Variants in AGAP1 observed in about 807,000 individuals in gnomAD.
The protein encoded by AGAP1 is arf-GAP with GTPase, ANK repeat and PH domain-containing protein 1.
In AGAP1, 29 loss-of-function variants were observed where a neutral mutation model predicts 105.3. The observed-to-expected ratio is 0.28, with a 90% confidence interval of 0.21 to 0.38. AGAP1 has a LOEUF of 0.38. Among genes scored for constraint, AGAP1 ranks in the 10% least tolerant of loss-of-function variants. The pLI is 1.00. For synonymous variants in AGAP1, 509 were observed against 485.9 expected, an observed-to-expected ratio of 1.05 and a Z score of -0.63; for missense variants, 998 against 1,165.1, an observed-to-expected ratio of 0.86 and a Z score of 2.09.
At chr2:236,030,378 G>A (rs149833879) in intron 13 of AGAP1, among the ~76,000 whole-genome samples, 7 of 152,286 alleles carry the variant, frequency 4.6e-5, no homozygotes, top group African/African-American at 7.2e-5. Context: ...GTGATCTCTG[G>A]TTTTGAGTTC....
intron 16 of AGAP1, among the ~76,000 whole-genome samples, chr2:236,106,807 A>T (rs1040097397): frequency 6.6e-6 from 1 of 152,208 alleles, no homozygotes; most frequent in Non-Finnish European, 1.5e-5. Flanking sequence ...TGGCTTCCTG[A>T]TGGGGACCCA....
chr2:235,530,712 C>T (rs911069408), intron 1 of AGAP1, among the ~76,000 whole-genome samples: 15 of 152,146 alleles, frequency 9.9e-5, no homozygotes, highest in African/African-American at 3.4e-4. Context: ...CTTGTGATTA[C>T]GTTGGACCCA....
Position 236,095,311 on chromosome 2 carries a change from C to T in AGAP1, c.2115-24881C>T, listed in dbSNP as rs1382726438. 6.6e-6 allele frequency among the ~76,000 whole-genome samples: 1 copy of T among 152,088 alleles called. No homozygotes were observed. Among genetic ancestry groups the T allele is most frequent in the East Asian group, 1.9e-4 (1 of 5,180 alleles). On this transcript the variant is annotated intron_variant, in intron 16 of 17. Coordinates refer to ENST00000304032, the MANE Select transcript of AGAP1 (RefSeq NM_001037131.3). This position sits in a 1 kb window ranked among gnomAD's most constrained non-coding sequence, Gnocchi z 4.1. The stretch of plus-strand genomic sequence containing the variant: ...ACTCGGGAGGCTGAGGTGGGAGGAT[C>T]ACTGGAGCCCAGGAAGTCAAGGCTG...
At position 236,012,561 on chromosome 2, in the gene AGAP1, A is replaced by G. The variant is rs780132931; in HGVS notation, c.1646-24000A>G. On this transcript the variant is annotated intron_variant, in intron 13 of 17. Transcript: ENST00000304032. The surrounding 1 kb of genome is among the most constrained non-coding windows in gnomAD (Gnocchi z 4.9). Reference sequence around the variant, plus strand: ...ATTTGGTTTCCTTCGTTCCTCATGCATGGTATTTGTACCGGTGGGTACCTG... The same window carrying G: ...ATTTGGTTTCCTTCGTTCCTCATGCGTGGTATTTGTACCGGTGGGTACCTG... 5.9e-5 allele frequency among the ~76,000 whole-genome samples: 9 copies of G among 152,112 alleles called. No individual in the cohort carries two copies. The highest frequency in any genetic ancestry group is 1.3e-4 in the Non-Finnish European group (9 of 68,018).
At chr2:235,598,180 G>C (rs1216245170) in intron 1 of AGAP1, among the ~76,000 whole-genome samples, 1 of 152,070 alleles carries the variant, frequency 6.6e-6, no homozygotes, top group Admixed American at 6.5e-5. Context: ...TAGGTGACTG[G>C]CGTGTCTACA....
chr2:235,859,204 A>AT (rs547076214), intron 9 of AGAP1, among the ~76,000 whole-genome samples: 371 of 148,414 alleles, frequency 2.5e-3, no homozygotes, highest in Non-Finnish European at 3.3e-3. Context: ...GGCACCTTGC[A>AT]TTTTTTTTTT....
intron 1 of AGAP1, among the ~76,000 whole-genome samples, chr2:235,524,153 C>T (rs1032204794): frequency 2.0e-5 from 3 of 152,192 alleles, no homozygotes; most frequent in Non-Finnish European, 2.9e-5. Flanking sequence ...CACGGGCGTC[C>T]GTGGGCCACC....
In AGAP1 at chr2:235,793,877, TATAGA is replaced by T. The variant is rs1055353467; in HGVS notation, c.674-3875_674-3871del. 1.3e-5 allele frequency among the ~76,000 whole-genome samples: 2 copies of T among 152,236 alleles called. No homozygotes were observed. The highest frequency in any genetic ancestry group is 2.1e-4 in the South Asian group (1 of 4,830). The stretch of plus-strand genomic sequence containing the variant: ...CTAATTAAAGGGTGCTATTTCCCTC[TATAGA>T]ATAGAACATTTACAGTTTGTGGATA... On this transcript the variant is annotated intron_variant, in intron 6 of 17. Coordinates refer to ENST00000304032, the MANE Select transcript of AGAP1 (RefSeq NM_001037131.3). The surrounding 1 kb of genome is among the most constrained non-coding windows in gnomAD (Gnocchi z 5.3).
At position 235,847,614 on chromosome 2, in the gene AGAP1, T is replaced by C. The variant is rs549259248; in HGVS notation, c.1051-35731T>C. On this transcript the variant is annotated intron_variant, in intron 9 of 17. Coordinates refer to ENST00000304032, the MANE Select transcript of AGAP1 (RefSeq NM_001037131.3). ...TATCAAATAAGAAACATTTTTAATA[T>C]TTTGACTATTCATCACTCAAGCAGT... Among the ~76,000 whole-genome samples, 33 of 152,354 alleles carry C rather than the reference T, an allele frequency of 2.2e-4. No homozygotes were observed. In the South Asian group the frequency reaches 6.8e-3, roughly 32 times the overall value.
chr2:236,074,596 C>G (rs1410221640), intron 16 of AGAP1, among the ~76,000 whole-genome samples: 1 of 152,194 alleles, frequency 6.6e-6, no homozygotes, highest in East Asian at 1.9e-4. Flanking sequence ...CTGAACCACA[C>G]TCAACCAAAA....
intron 6 of AGAP1, among the ~76,000 whole-genome samples, chr2:235,773,553 A>T (rs1051382878): frequency 6.6e-6 from 1 of 152,178 alleles, no homozygotes; most frequent in Non-Finnish European, 1.5e-5. Context: ...TTAGGTGTGG[A>T]AAGTTGGGGT....
At position 235,843,201 on chromosome 2, in the gene AGAP1, C is replaced by T. The variant is rs1961064949; in HGVS notation, c.1050+35870C>T. Among the ~76,000 whole-genome samples, 1 of 140,970 alleles carries T rather than the reference C, an allele frequency of 7.1e-6. No individual in the cohort carries two copies. Among genetic ancestry groups the T allele is most frequent in the Non-Finnish European group, 1.6e-5 (1 of 63,526 alleles). 92.5% of individuals were successfully genotyped at this position (140,970 alleles called of 152,430 possible). A position where few individuals can be genotyped will look rare whatever the true frequency, so the allele number is the denominator to read the frequency against. On this transcript the variant is annotated intron_variant, in intron 9 of 17. Transcript: ENST00000304032. The surrounding 1 kb of genome is among the most constrained non-coding windows in gnomAD (Gnocchi z 5.9). ...CCCTGTACCCCCAGCTCCCAGAACC[C>T]ATCACCAGCCCTCCTTCTTAGAGAG...
intron 3 of AGAP1, among the ~76,000 whole-genome samples, chr2:235,735,383 C>T (rs575714731): frequency 1.3e-5 from 2 of 152,096 alleles, no homozygotes; most frequent in Non-Finnish European, 2.9e-5. Context: ...TCTCCCTCTC[C>T]GACTTGTCTC....
chr2:235,781,886 C>T (rs780734915), intron 6 of AGAP1, among the ~76,000 whole-genome samples: 2 of 152,142 alleles, frequency 1.3e-5, no homozygotes, highest in Non-Finnish European at 2.9e-5. Context: ...TACGGAGTTT[C>T]CGCATTCCTT....
chr2:236,086,215 T>C (rs1279074276), intron 16 of AGAP1, among the ~76,000 whole-genome samples: 1 of 152,252 alleles, frequency 6.6e-6, no homozygotes, highest in African/African-American at 2.4e-5. Context: ...ATTTCTTACA[T>C]GACTGCGTAA....
intron 1 of AGAP1, among the ~76,000 whole-genome samples, chr2:235,618,782 A>C (rs1946384644): frequency 6.6e-6 from 1 of 152,206 alleles, no homozygotes; most frequent in South Asian, 2.1e-4. Flanking sequence ...GATGTGGTAG[A>C]CGTAATAACG....
chr2:236,121,869 C>CA lies in AGAP1; in HGVS notation c.2370+1423dup, dbSNP rs951883176. Among the ~76,000 whole-genome samples the CA allele has an allele frequency of 2.4e-4, 36 of 152,210 alleles. No individual in the cohort carries two copies. Among genetic ancestry groups the CA allele is most frequent in the African/African-American group, 7.7e-4 (32 of 41,458 alleles). On this transcript the variant is annotated intron_variant, in intron 17 of 17. Coordinates refer to ENST00000304032, the MANE Select transcript of AGAP1 (RefSeq NM_001037131.3). The surrounding 1 kb of genome is among the most constrained non-coding windows in gnomAD (Gnocchi z 4.9). ...GAATGGTTCCTGGCGAGGCCTCTCTCACGGCTGGTAGACGGCCGCCCTCTC... is the reference window on the plus strand; with the variant it reads ...GAATGGTTCCTGGCGAGGCCTCTCTCAACGGCTGGTAGACGGCCGCCCTCTC...
rs1350182143 is a variant in AGAP1 at position 235,737,453 on chromosome 2, G to A, written c.311-3510G>A. ...GCTCCTTTTAGAGGCAATGAAAGTTGGGCCTGGAGTCCTTTGCTTGAGATC... is the reference window on the plus strand; with the variant it reads ...GCTCCTTTTAGAGGCAATGAAAGTTAGGCCTGGAGTCCTTTGCTTGAGATC... On this transcript the variant is annotated intron_variant, in intron 3 of 17. Transcript: ENST00000304032. This position sits in a 1 kb window ranked among gnomAD's most constrained non-coding sequence, Gnocchi z 4.5. Among the ~76,000 whole-genome samples, 1 of 152,162 alleles carries A rather than the reference G, an allele frequency of 6.6e-6. No homozygotes were observed. The highest frequency in any genetic ancestry group is 1.5e-5 in the Non-Finnish European group (1 of 68,042).
chr2:236,001,676 G>A lies in AGAP1; in HGVS notation c.1645+33053G>A, dbSNP rs549080301. Among the ~76,000 whole-genome samples the A allele has an allele frequency of 6.6e-5, 10 of 152,286 alleles. No individual in the cohort carries two copies. The highest frequency in any genetic ancestry group is 2.4e-4 in the African/African-American group (10 of 41,566). On this transcript the variant is annotated intron_variant, in intron 13 of 17. Coordinates refer to ENST00000304032, the MANE Select transcript of AGAP1 (RefSeq NM_001037131.3). The surrounding 1 kb of genome is among the most constrained non-coding windows in gnomAD (Gnocchi z 4.7). ...GCGGTAGAACGTCACATCCTGGAGG[G>A]GCGGGGATTTCCCCTTTTGTTTTGT...
Sources: gnomAD v4.1 joint callset for allele counts (sites outside exome capture counted in the v4.1 genomes callset) on GRCh38, gnomAD v4.1.1 for gene constraint, Gnocchi (gnomAD v3.1) non-coding constraint, MANE v1.5 for transcripts, NCBI Gene and HGNC (gene_info 2026-07-23, HGNC 2026-07-21) for gene names.